DNAJC1: variants seen among roughly 807,000 people sequenced by gnomAD.
DNAJC1 encodes DnaJ heat shock protein family (Hsp40) member C1.
Under a neutral mutation model 76.6 loss-of-function variants are expected in DNAJC1, and 58 were observed. The ratio of observed to expected loss-of-function variants is 0.76; its 90% CI spans 0.61 to 0.94. The LOEUF (loss-of-function observed/expected upper bound fraction) is 0.94. Ranked by LOEUF, DNAJC1 falls within the 40% of genes least tolerant of loss-of-function variation. The probability of loss-of-function intolerance (pLI) is 0.00; values close to 1 mark genes in which losing one functional copy is unlikely to be tolerated. For synonymous variants in DNAJC1, 258 were observed against 267.9 expected, an observed-to-expected ratio of 0.96 and a Z score of 0.36; for missense variants, 689 against 677.3, an observed-to-expected ratio of 1.02 and a Z score of -0.19.
At chr10:21,991,120 T>C (rs912145306) in intron 1 of DNAJC1, among the ~76,000 whole-genome samples, 3 of 152,044 alleles carry the variant, frequency 2.0e-5, no homozygotes, top group East Asian at 1.9e-4. Context: ...ATAATCAAAA[T>C]AGATGACAGG....
At chr10:21,974,859 T>C (rs1438604040) in intron 1 of DNAJC1, among the ~76,000 whole-genome samples, 1 of 152,154 alleles carries the variant, frequency 6.6e-6, no homozygotes, top group Non-Finnish European at 1.5e-5. Flanking sequence ...TAGATTTCTC[T>C]ATGTAATGTA....
At chr10:21,996,750 G>A (rs1459517496) in intron 1 of DNAJC1, among the ~76,000 whole-genome samples, 1 of 152,094 alleles carries the variant, frequency 6.6e-6, no homozygotes, top group Non-Finnish European at 1.5e-5. Flanking sequence ...ATTATATGTG[G>A]CAAAATTTTC....
intron 9 of DNAJC1, among the ~76,000 whole-genome samples, chr10:21,772,852 G>A (rs937339634): frequency 3.3e-5 from 5 of 152,248 alleles, no homozygotes; most frequent in Non-Finnish European, 5.9e-5. Flanking sequence ...TACAGGAAGC[G>A]TGGCAGCATC....
intron 8 of DNAJC1, among the ~76,000 whole-genome samples, chr10:21,857,744 T>C (rs539213612): frequency 6.6e-6 from 1 of 152,238 alleles, no homozygotes; most frequent in East Asian, 1.9e-4. Context: ...TAGTCCCAGC[T>C]ACTCGGGAGG....
At chr10:21,873,847 A>G (rs1448809647) in intron 8 of DNAJC1, among the ~76,000 whole-genome samples, 1 of 152,240 alleles carries the variant, frequency 6.6e-6, no homozygotes, top group Non-Finnish European at 1.5e-5. Context: ...AATCTGTGAC[A>G]ATAATAAATA....
At chr10:21,786,447 TATATATATATATATATAG>T (rs1243856498) in intron 9 of DNAJC1, among the ~76,000 whole-genome samples, 142 of 112,876 alleles carry the variant, frequency 1.3e-3, no homozygotes, top group East Asian at 6.5e-3. Flanking sequence ...TATATATATA[TATATATATATATATATAG>T]AGAGAGAGAG....
intron 1 of DNAJC1, among the ~76,000 whole-genome samples, chr10:22,002,874 T>C (rs1590088442): frequency 6.8e-6 from 1 of 146,612 alleles, no homozygotes; most frequent in African/African-American, 2.5e-5. Context: ...AAAAAAAAAG[T>C]CTACCCACAC....
intron 9 of DNAJC1, among the ~76,000 whole-genome samples, chr10:21,775,589 C>A (rs1341438622): frequency 1.3e-5 from 2 of 152,028 alleles, no homozygotes; most frequent in African/African-American, 4.8e-5. Context: ...TCCATGACCA[C>A]GGTCATCACC....
chr10:21,799,558 C>T (rs1167369995), intron 9 of DNAJC1, among the ~76,000 whole-genome samples: 1 of 152,178 alleles, frequency 6.6e-6, no homozygotes, highest in Non-Finnish European at 1.5e-5. Context: ...CTGTCCCAGC[C>T]TATCAAAGTG....
intron 9 of DNAJC1, among the ~76,000 whole-genome samples, chr10:21,793,862 C>A (rs1834721693): frequency 6.6e-6 from 1 of 152,068 alleles, no homozygotes; most frequent in African/African-American, 2.4e-5. Context: ...CTGAAGTGGG[C>A]AGATTGCTTG....
chr10:21,793,313 G>A (rs549798027), intron 9 of DNAJC1, among the ~76,000 whole-genome samples: 1 of 152,028 alleles, frequency 6.6e-6, no homozygotes, highest in South Asian at 2.1e-4. Context: ...AGGGGTTGGG[G>A]GGCCGGGAAA....
chr10:21,900,490 C>A (rs867945703), intron 7 of DNAJC1, among the ~76,000 whole-genome samples: 14 of 152,172 alleles, frequency 9.2e-5, no homozygotes, highest in Middle Eastern at 6.8e-3. Flanking sequence ...ACATACACAG[C>A]ATTATGATTT....
chr10:21,766,614 A>T (rs1304357823), intron 9 of DNAJC1, among the ~76,000 whole-genome samples: 2 of 151,282 alleles, frequency 1.3e-5, no homozygotes, highest in Admixed American at 6.6e-5. Flanking sequence ...TTTCATTTTT[A>T]TTTTTTTTTA....
chr10:21,962,635 T>C (rs1837816145), intron 1 of DNAJC1, among the ~76,000 whole-genome samples: 1 of 149,856 alleles, frequency 6.7e-6, no homozygotes, highest in Admixed American at 6.7e-5. Context: ...GCTCAGCTAA[T>C]TTTTTTTCTT....
At chr10:21,843,580 A>C (rs2131681372) in intron 8 of DNAJC1, among the ~76,000 whole-genome samples, 1 of 151,904 alleles carries the variant, frequency 6.6e-6, no homozygotes, top group South Asian at 2.1e-4. Context: ...TTTTTAGTAG[A>C]GACCAGGTTT....
intron 1 of DNAJC1, among the ~76,000 whole-genome samples, chr10:22,001,807 T>C (rs1838523021): frequency 6.6e-6 from 1 of 152,230 alleles, no homozygotes; most frequent in Non-Finnish European, 1.5e-5. Flanking sequence ...AAATTCTAAT[T>C]ATTCCCAGTA....
At chr10:21,837,356 CT>C (rs1835478847) in intron 8 of DNAJC1, among the ~76,000 whole-genome samples, 1 of 152,130 alleles carries the variant, frequency 6.6e-6, no homozygotes, top group African/African-American at 2.4e-5. Context: ...TGAGAAGCGT[CT>C]CTGCCTGGCC....
At chr10:21,893,271 A>C (rs1733610223) in intron 7 of DNAJC1, among the ~76,000 whole-genome samples, 1 of 152,194 alleles carries the variant, frequency 6.6e-6, no homozygotes, top group Non-Finnish European at 1.5e-5. Context: ...ACTTTTAAAT[A>C]ATCAATGGAT....
chr10:21,890,907 T>C (rs899588497), intron 7 of DNAJC1, among the ~76,000 whole-genome samples: 2 of 152,136 alleles, frequency 1.3e-5, no homozygotes, highest in African/African-American at 2.4e-5. Context: ...TTTAAATTAC[T>C]TGGCTGGGCA....
Sources: allele counts gnomAD v4.1 joint callset (sites outside exome capture counted in the v4.1 genomes callset), GRCh38; gene constraint gnomAD v4.1.1; transcripts MANE v1.5; gene names NCBI Gene and HGNC (gene_info 2026-07-23, HGNC 2026-07-21).